The following SOX5 variants were observed in gnomAD, a reference collection of about 807,000 sequenced individuals.
The protein encoded by SOX5 is transcription factor SOX-5.
SOX5 carries 9 observed loss-of-function variants against 92.0 expected under a neutral mutation model. That is an observed-to-expected ratio of 0.10 (90% confidence interval 0.06 to 0.17). The LOEUF (loss-of-function observed/expected upper bound fraction) is 0.17. Ranked by LOEUF, SOX5 falls within the 10% of genes least tolerant of loss-of-function variation. The pLI, the probability that SOX5 is intolerant of heterozygous loss-of-function variation, is 1.00. For missense variants in SOX5, 642 were observed against 944.5 expected (o/e 0.68, Z 4.20); for synonymous variants, 344 against 336.3 (o/e 1.02, Z -0.25).
chr12:24,015,384 G>A (rs1229894067), intron 4 of SOX5, among the ~76,000 whole-genome samples: 1 of 151,968 alleles, frequency 6.6e-6, no homozygotes, highest in East Asian at 1.9e-4. Context: ...GCAAAATAAT[G>A]ACATACCTCA....
intron 1 of SOX5, among the ~76,000 whole-genome samples, chr12:24,469,359 G>A (rs565193823): frequency 1.0e-3 from 156 of 152,300 alleles, no homozygotes; most frequent in African/African-American, 3.6e-3. Flanking sequence ...AGTACCGGGT[G>A]TTGGGGACCT....
intron 6 of SOX5, among the ~76,000 whole-genome samples, chr12:23,683,082 A>G (rs1449415274): frequency 6.6e-6 from 1 of 151,916 alleles, no homozygotes; most frequent in Non-Finnish European, 1.5e-5. Context: ...AATTATTGTG[A>G]TAGCATTTAC....
chr12:24,459,289 G>C (rs1857622510), intron 1 of SOX5, among the ~76,000 whole-genome samples: 1 of 152,042 alleles, frequency 6.6e-6, no homozygotes, highest in Non-Finnish European at 1.5e-5. Flanking sequence ...CTGAATGATG[G>C]TCCATTCAAA....
At chr12:23,611,180 A>C (rs1221476404) in intron 8 of SOX5, among the ~76,000 whole-genome samples, 1 of 152,006 alleles carries the variant, frequency 6.6e-6, no homozygotes, top group Non-Finnish European at 1.5e-5. Flanking sequence ...GGTAATCACT[A>C]TTCTACTCTC....
At chr12:24,040,511 G>T (rs1370273895) in intron 4 of SOX5, among the ~76,000 whole-genome samples, 1 of 152,162 alleles carries the variant, frequency 6.6e-6, no homozygotes, top group Non-Finnish European at 1.5e-5. Context: ...TTGAAAAATA[G>T]AAATGTTTCA....
At chr12:23,747,942 A>G (rs1024065677) in intron 4 of SOX5, among the ~76,000 whole-genome samples, 2 of 144,584 alleles carry the variant, frequency 1.4e-5, no homozygotes, top group Non-Finnish European at 3.0e-5. Context: ...CAGATAGCTT[A>G]AATTTAAATG....
chr12:24,057,108 G>A (rs1276392373), intron 4 of SOX5, among the ~76,000 whole-genome samples: 2 of 151,862 alleles, frequency 1.3e-5, no homozygotes, highest in African/African-American at 4.8e-5. Flanking sequence ...CCAAAAAGAG[G>A]TGCATTTTAA....
At chr12:24,140,356 G>A (rs1015166555) in intron 4 of SOX5, among the ~76,000 whole-genome samples, 3 of 152,142 alleles carry the variant, frequency 2.0e-5, no homozygotes, top group Non-Finnish European at 4.4e-5. Flanking sequence ...AAGGCATGAT[G>A]AGTGATGTGT....
Position 23,749,999 on chromosome 12 carries a change from C to T in SOX5, c.568+5639G>A, listed in dbSNP as rs150100278. 2.7e-3 allele frequency among the ~76,000 whole-genome samples: 403 copies of T among 151,716 alleles called. 3 individuals are homozygous for T. The highest frequency in any genetic ancestry group is 4.0e-3 in the Non-Finnish European group (269 of 67,800). On this transcript the variant is annotated intron_variant, in intron 4 of 14. Coordinates refer to ENST00000451604, the MANE Select transcript of SOX5 (RefSeq NM_006940.6). ...TGTGTGCTAGGGACAGATCTAAGGACGGAGTATCTTGGATGCAAATTATAG... is the reference window on the plus strand; with the variant it reads ...TGTGTGCTAGGGACAGATCTAAGGATGGAGTATCTTGGATGCAAATTATAG...
intron 1 of SOX5, among the ~76,000 whole-genome samples, chr12:24,551,129 G>A (rs535366948): frequency 6.6e-6 from 1 of 152,230 alleles, no homozygotes; most frequent in African/African-American, 2.4e-5. Flanking sequence ...TGTCACTCTG[G>A]GAATTCTAAC....
chr12:24,531,998 A>G (rs977820944), intron 1 of SOX5, among the ~76,000 whole-genome samples: 3 of 152,222 alleles, frequency 2.0e-5, no homozygotes, highest in Admixed American at 6.5e-5. Context: ...TAAATTGACA[A>G]TAAAAGTTGG....
rs1301277512 is a variant in SOX5, at chr12:24,393,962, A to G, written c.-250-25323T>C. ...CTTAAAATACCCTGCGTGGGGAAAA[A>G]TAAAACCGTGAGTGGCTGAAGAACA... On this transcript the variant is annotated intron_variant, in intron 1 of 4. Coordinates refer to the SOX5 transcript ENST00000446891. The surrounding 1 kb of genome is among the most constrained non-coding windows in gnomAD (Gnocchi z 5.0). 2.0e-5 allele frequency among the ~76,000 whole-genome samples: 3 copies of G among 152,228 alleles called. No individual in the cohort carries two copies. The highest frequency in any genetic ancestry group is 7.2e-5 in the African/African-American group (3 of 41,468).
intron 4 of SOX5, among the ~76,000 whole-genome samples, chr12:24,037,129 A>AG (rs1230191133): frequency 6.6e-6 from 1 of 152,118 alleles, no homozygotes; most frequent in Non-Finnish European, 1.5e-5. Context: ...CATTAGTGAT[A>AG]GGGGGAGGGG....
chr12:24,336,515 T>C (rs1228915914), intron 2 of SOX5, among the ~76,000 whole-genome samples: 1 of 152,126 alleles, frequency 6.6e-6, no homozygotes, highest in Non-Finnish European at 1.5e-5. Flanking sequence ...ACCAAAGAAC[T>C]GAGAGGCAAG....
At chr12:24,526,355 G>C (rs1406493910) in intron 1 of SOX5, among the ~76,000 whole-genome samples, 1 of 152,126 alleles carries the variant, frequency 6.6e-6, no homozygotes, top group Non-Finnish European at 1.5e-5. Flanking sequence ...AAGAACGTGG[G>C]TGGAGTCCTG....
chr12:23,577,109 A>G (rs1211924780), intron 9 of SOX5, among the ~76,000 whole-genome samples: 2 of 148,946 alleles, frequency 1.3e-5, no homozygotes, highest in African/African-American at 4.9e-5. Context: ...AAATGGTTAA[A>G]TGGTAAAATA....
chr12:24,251,590 A>G (rs1940067118), intron 3 of SOX5, among the ~76,000 whole-genome samples: 2 of 146,952 alleles, frequency 1.4e-5, no homozygotes, highest in African/African-American at 5.0e-5. Flanking sequence ...TTTTTTCTTC[A>G]GATGAAGTCT....
chr12:24,090,340 C>T (rs550047483), intron 4 of SOX5, among the ~76,000 whole-genome samples: 1 of 152,198 alleles, frequency 6.6e-6, no homozygotes, highest in Admixed American at 6.5e-5. Context: ...CATAAACTCA[C>T]ATTCACTTAC....
intron 4 of SOX5, among the ~76,000 whole-genome samples, chr12:24,133,920 C>T (rs1482233454): frequency 4.6e-5 from 7 of 152,146 alleles, no homozygotes; most frequent in East Asian, 1.9e-4. Context: ...CTCTTTGCCA[C>T]GTGACCAGAG....
Sources: allele counts gnomAD v4.1 joint callset (sites outside exome capture counted in the v4.1 genomes callset), GRCh38; gene constraint gnomAD v4.1.1; non-coding constraint Gnocchi (gnomAD v3.1); transcripts MANE v1.5; gene names NCBI Gene and HGNC (gene_info 2026-07-23, HGNC 2026-07-21).